The following DCAF8 variants were observed in gnomAD, a reference collection of about 807,000 sequenced individuals.
DCAF8 encodes the protein DDB1 and CUL4 associated factor 8.
In DCAF8, 20 loss-of-function variants were observed where a neutral mutation model predicts 68.0. The observed-to-expected ratio is 0.29, with a 90% CI of 0.21 to 0.43. The LOEUF is 0.43. Among genes scored for constraint, DCAF8 ranks in the 20% least tolerant of loss-of-function variants. The pLI, the probability that DCAF8 is intolerant of heterozygous loss-of-function variation, is 1.00. For synonymous variants in DCAF8, 230 were observed against 276.9 expected (o/e 0.83, Z 1.68); for missense variants, 460 against 771.0 (o/e 0.60, Z 4.78).
chr1:160,259,260 C>T (rs1445615232), intron 2 of DCAF8, among the ~76,000 whole-genome samples: 7 of 152,192 alleles, frequency 4.6e-5, no homozygotes, highest in Admixed American at 4.6e-4. Flanking sequence ...TTTGGCCGGG[C>T]ATGGTGGTTC....
intron 2 of DCAF8, among the ~76,000 whole-genome samples, chr1:160,258,541 C>T (rs1171089481): frequency 6.6e-6 from 1 of 151,940 alleles, no homozygotes; most frequent in Non-Finnish European, 1.5e-5. Context: ...AATCCCAGCA[C>T]TTTGGGAGGC....
intron 2 of DCAF8, among the ~76,000 whole-genome samples, chr1:160,259,431 G>A (rs1346490015): frequency 6.6e-6 from 1 of 152,150 alleles, no homozygotes; most frequent in Non-Finnish European, 1.5e-5. Context: ...TACTCGGGAG[G>A]TTGAGGCAGG....
At chr1:160,230,784 C>T (rs556927630) in intron 7 of DCAF8, among the ~76,000 whole-genome samples, 2 of 152,186 alleles carry the variant, frequency 1.3e-5, no homozygotes, top group Non-Finnish European at 2.9e-5. Context: ...CAGAGTCTCG[C>T]TCTGTCATTC....
chr1:160,222,455 G>A (rs1655331779), intron 11 of DCAF8, among the ~76,000 whole-genome samples, 196 bp downstream of exon 11: 1 of 152,166 alleles, frequency 6.6e-6, no homozygotes, highest in Admixed American at 6.5e-5. Flanking sequence ...GTGCTTTACA[G>A]GGACAGAAGA....
At position 160,240,216 on chromosome 1, in the gene DCAF8, G is replaced by A. The variant is rs1352387910; in HGVS notation, c.204C>T (p.Asp68=). The change falls in exon 4 of 14, where the codon GAC becomes GAT. Residue 68 remains aspartate, a synonymous_variant. Transcript: ENST00000368074. ...NRTSTESRGT[D]TESSGEDKDS... is the part of the protein sequence containing the mutation. ...CCTTATCTTCACCTGAGCTCTCTGTGTCTGTGCCTCGACTTTCTGTGCTGG... is the reference window on the plus strand; with the variant it reads ...CCTTATCTTCACCTGAGCTCTCTGTATCTGTGCCTCGACTTTCTGTGCTGG... The A allele has an allele frequency of 4.3e-6, 7 of 1,613,952 alleles. No homozygotes were observed. Among genetic ancestry groups the A allele is most frequent in the Non-Finnish European group, 5.1e-6 (6 of 1,180,032 alleles).
chr1:160,234,962 C>G (rs1655819557), intron 6 of DCAF8, among the ~76,000 whole-genome samples: 1 of 152,190 alleles, frequency 6.6e-6, no homozygotes, highest in South Asian at 2.1e-4. Flanking sequence ...AGAAATTCTT[C>G]TACTATCCAA....
intron 10 of DCAF8, 113 bp from the exon 11 acceptor site, chr1:160,222,894 TGTTTAACAGATAGTTATAG>T: frequency 7.0e-7 from 1 of 1,421,250 alleles, no homozygotes; most frequent in Non-Finnish European, 9.6e-7. Context: ...AGATTATGCA[TGTTTAACAGATAGTTATAG>T]GAATCACACC....
At position 160,222,900 on chromosome 1, in the gene DCAF8, A is replaced by G. The variant is rs1655344523; in HGVS notation, c.1310-119T>C. ...AAATCAGCTAGATTATGCATGTTTA[A>G]CAGATAGTTATAGGAATCACACCAG... On this transcript the variant is annotated intron_variant, in intron 10 of 13. Coordinates refer to ENST00000368074, the MANE Select transcript of DCAF8 (RefSeq NM_015726.4). 6.5e-6 allele frequency: 9 copies of G among 1,391,974 alleles called. No homozygotes were observed. In the Admixed American group the frequency reaches 1.8e-4, roughly 28 times the overall value. The allele number at this position is 1,391,974 out of a possible 1,614,324, so 86.2% of individuals were successfully genotyped here.
chr1:160,218,047 A>G (rs1038194477), intron 13 of DCAF8: 12 of 518,568 alleles, frequency 2.3e-5, no homozygotes, highest in African/African-American at 2.1e-4. Flanking sequence ...GGTCACACTG[A>G]GACTTGTTAT....
In DCAF8 at chr1:160,239,538, T is replaced by C. The variant is rs932910964; in HGVS notation, c.723+159A>G. 6 of 1,546,300 alleles carry C rather than the reference T, an allele frequency of 3.9e-6. No individual in the cohort carries two copies. The South Asian group carries it at 7.3e-5, about 19-fold the overall frequency. Reference sequence around the variant, plus strand: ...AAGGAATCTAGGGTTGCCAAGAGTCTTTCAGTGTATTTAGGTCATTAGGGG... The same window carrying C: ...AAGGAATCTAGGGTTGCCAAGAGTCCTTCAGTGTATTTAGGTCATTAGGGG... On this transcript the variant is annotated intron_variant, in intron 4 of 13. Transcript: ENST00000368074.
intron 2 of DCAF8, among the ~76,000 whole-genome samples, chr1:160,258,181 T>C (rs1422613621): frequency 1.3e-5 from 2 of 151,924 alleles, no homozygotes; most frequent in African/African-American, 4.8e-5. Flanking sequence ...ACCTCATCTT[T>C]ACAAAAAATA....
At chr1:160,239,386 G>A in intron 4 of DCAF8, 1 of 1,397,180 alleles carries the variant, frequency 7.2e-7, no homozygotes, top group Non-Finnish European at 9.3e-7. Flanking sequence ...GTAAGCAGAA[G>A]GGCTAGGATT....
At chr1:160,254,685 G>A (rs1415833990) in intron 2 of DCAF8, among the ~76,000 whole-genome samples, 1 of 152,050 alleles carries the variant, frequency 6.6e-6, no homozygotes, top group Non-Finnish European at 1.5e-5. Flanking sequence ...TTAGCTACTC[G>A]GAGGCTGAGG....
intron 11 of DCAF8, among the ~76,000 whole-genome samples, chr1:160,221,817 CAAA>C (rs58539770): frequency 9.6e-5 from 6 of 62,188 alleles, no homozygotes; most frequent in African/African-American, 2.7e-4. Context: ...TTCTAGGTCT[CAAA>C]AAAAAAAAAA....
intron 2 of DCAF8, among the ~76,000 whole-genome samples, chr1:160,256,908 A>C (rs992426412): frequency 6.6e-6 from 1 of 152,218 alleles, no homozygotes; most frequent in East Asian, 1.9e-4. Context: ...GAGATAAAAA[A>C]AAACTGCTGC....
chr1:160,224,520 T>C lies in DCAF8; in HGVS notation c.1231A>G (p.Ile411Val). 6.2e-7 allele frequency: 1 copy of C among 1,613,964 alleles called. No homozygotes were observed. Among genetic ancestry groups the C allele is most frequent in the Non-Finnish European group, 8.5e-7 (1 of 1,179,870 alleles). ...CTGTGAGAGGAGTTGAAGAGGTAAATGTCTTCATCATTGTAACTGGCCAGG... is the reference window on the plus strand; with the variant it reads ...CTGTGAGAGGAGTTGAAGAGGTAAACGTCTTCATCATTGTAACTGGCCAGG... The part of the protein sequence containing the change: ...ELLASYNDED[I>V]YLFNSSHSDG... Residue 411 changes from isoleucine (I) to valine (V), a missense_variant, in exon 10 of 14, where the codon ATT becomes GTT. Ile to Val is a conservative substitution (Grantham distance 29). Coordinates refer to ENST00000368074, the MANE Select transcript of DCAF8 (RefSeq NM_015726.4).
intron 11 of DCAF8, chr1:160,219,185 A>C: frequency 1.8e-6 from 1 of 559,596 alleles, no homozygotes; most frequent in East Asian, 3.1e-5. Context: ...ATCATTTCCT[A>C]TGTATAGGTC....
intron 2 of DCAF8, among the ~76,000 whole-genome samples, chr1:160,249,147 C>T (rs1046860472): frequency 2.0e-5 from 3 of 151,952 alleles, no homozygotes; most frequent in Non-Finnish European, 4.4e-5. Context: ...GCTGAGATCG[C>T]ACCACTGCAC....
chr1:160,257,049 T>A (rs1253294484), intron 2 of DCAF8, among the ~76,000 whole-genome samples: 2 of 152,364 alleles, frequency 1.3e-5, no homozygotes, highest in African/African-American at 2.4e-5. Context: ...TGACTGATTT[T>A]AACAGCAATG....
Sources: gnomAD v4.1 joint callset for allele counts (sites outside exome capture counted in the v4.1 genomes callset) on GRCh38, gnomAD v4.1.1 for gene constraint, MANE v1.5 for transcripts, NCBI Gene and HGNC (gene_info 2026-07-23, HGNC 2026-07-21) for gene names.